ZNF708: variants seen among roughly 807,000 people sequenced by gnomAD.
ZNF708 encodes the protein ZNF15, ZNF15L1.
In ZNF708, 44 loss-of-function variants were observed where a neutral mutation model predicts 47.0. The observed-to-expected ratio is 0.94, with a 90% CI of 0.74 to 1.20. ZNF708 has a LOEUF of 1.20. Among genes scored for constraint, ZNF708 ranks in the 50% most tolerant of loss-of-function variants. The probability of loss-of-function intolerance (pLI) is 0.00; values close to 1 mark genes in which losing one functional copy is unlikely to be tolerated. For synonymous variants in ZNF708, 184 were observed against 218.5 expected (o/e 0.84, Z 1.39); for missense variants, 557 against 656.0 (o/e 0.85, Z 1.65).
intron 1 of ZNF708, among the ~76,000 whole-genome samples, chr19:21,322,394 C>A (rs542284962): frequency 1.3e-5 from 2 of 151,868 alleles, no homozygotes; most frequent in Admixed American, 6.6e-5. Flanking sequence ...CTCTGCCTCC[C>A]GGGTTCAAGT....
In ZNF708 at chr19:21,309,246, C is replaced by A. The variant is rs140295887; in HGVS notation, c.226G>T (p.Ala76Ser). ...KRHEMAAKPP[A>S]MCSHFAKDLR... ...ATCTGTTGTGTTCACTCTCACCTAC[C>A]TGGGGGTTTGGCTGCCATCTCGTGT... Residue 76 changes from alanine (A) to serine (S), a missense_variant and splice_region_variant, in exon 3 of 4, where the codon GCT becomes TCT. Ala to Ser is a moderately conservative substitution (Grantham distance 99). Coordinates refer to ENST00000356929, the MANE Select transcript of ZNF708 (RefSeq NM_021269.3). 22 of 1,600,038 alleles carry A rather than the reference C, an allele frequency of 1.4e-5. No individual in the cohort carries two copies. The highest frequency in any genetic ancestry group is 1.9e-5 in the Non-Finnish European group (22 of 1,171,608).
rs1599671717 is a variant in ZNF708 at position 21,300,316 on chromosome 19, C to T, written c.227-5577G>A. 2.6e-5 allele frequency among the ~76,000 whole-genome samples: 4 copies of T among 151,714 alleles called. No individual in the cohort carries two copies. In the South Asian group the frequency reaches 8.3e-4, roughly 32 times the overall value. On this transcript the variant is annotated intron_variant, in intron 3 of 3. Transcript: ENST00000356929. The stretch of plus-strand genomic sequence containing the variant: ...CATGAGGTCAGGAGTTGGAGACCAG[C>T]CTCAACATGGAGAAACCCCATCTCT...
chr19:21,295,483 C>T (rs1036442275), intron 3 of ZNF708, among the ~76,000 whole-genome samples: 1 of 152,074 alleles, frequency 6.6e-6, no homozygotes, highest in Non-Finnish European at 1.5e-5. Flanking sequence ...CAGTAGCTCA[C>T]AGCTGTAATC....
Position 21,293,166 on chromosome 19 carries a change from A to G in ZNF708, c.*108T>C. On this transcript the variant is annotated 3_prime_UTR_variant, in exon 4 of 4. Transcript: ENST00000356929. The stretch of plus-strand genomic sequence containing the variant: ...TATCTTTTGTTTCATAAGGATTAAG[A>G]GCCAGTTAAAGGCTTTGCCACATTT... 7.9e-7 allele frequency: 1 copy of G among 1,259,408 alleles called. No homozygotes were observed. 78.0% of individuals were successfully genotyped at this position (1,259,408 alleles called of 1,614,324 possible). A position where few individuals can be genotyped will look rare whatever the true frequency, so the allele number is the denominator to read the frequency against.
At chr19:21,322,857 G>A (rs1384568192) in intron 1 of ZNF708, among the ~76,000 whole-genome samples, 1 of 152,150 alleles carries the variant, frequency 6.6e-6, no homozygotes, top group Non-Finnish European at 1.5e-5. Flanking sequence ...TGTCAGCACA[G>A]GCCCTGACTC....
chr19:21,318,900 C>T (rs1424979111), intron 1 of ZNF708, among the ~76,000 whole-genome samples: 1 of 151,930 alleles, frequency 6.6e-6, no homozygotes, highest in African/African-American at 2.4e-5. Context: ...TATAACTATC[C>T]CTATTGGATA....
At position 21,294,624 on chromosome 19, in the gene ZNF708, A is replaced by G. The variant is rs200243707; in HGVS notation, c.342T>C (p.Ser114=). ...CTTTGTGCAACTTATGCTCATCCAC[A>G]CTTTTACAGCCTTTCTGATATCCAC... ...GKCGYQKGCK[S]VDEHKLHKGG... Residue 114 remains serine, a synonymous_variant, in exon 4 of 4, where the codon AGT becomes AGC. Transcript: ENST00000356929. The G allele has an allele frequency of 6.8e-6, 11 of 1,613,954 alleles. No homozygotes were observed. In the African/African-American group the frequency reaches 1.5e-4, roughly 22 times the overall value.
At chr19:21,299,294 A>C (rs1972605888) in intron 3 of ZNF708, among the ~76,000 whole-genome samples, 1 of 152,106 alleles carries the variant, frequency 6.6e-6, no homozygotes, top group African/African-American at 2.4e-5. Context: ...CAGAGGTTGC[A>C]ATGAGGCGAG....
In ZNF708 at chr19:21,294,180, G is replaced by A. The variant is rs879047567; in HGVS notation, c.786C>T (p.Asn262=). 1.2e-6 allele frequency: 2 copies of A among 1,608,886 alleles called. No individual in the cohort carries two copies. Among genetic ancestry groups the A allele is most frequent in the East Asian group, 2.2e-5 (1 of 44,626 alleles). ...YKCEECGKAF[N]RSSNLTKHKI... ...TATGTTTAGTAAGGTTTGAGGACCG[G>A]TTAAAAGCTTTGCCACATTCTTCAC... Residue 262 remains asparagine (N), a synonymous_variant, in exon 4 of 4, where the codon AAC becomes AAT. Transcript: ENST00000356929.
At chr19:21,327,975 G>A in intron 1 of ZNF708, 1 of 1,021,070 alleles carries the variant, frequency 9.8e-7, no homozygotes, top group African/African-American at 1.7e-5. Flanking sequence ...GTTGTCCTCA[G>A]GGAGAAAAAT....
Position 21,322,570 on chromosome 19 carries a change from T to A in ZNF708, c.3+6640A>T, listed in dbSNP as rs555905423. The stretch of plus-strand genomic sequence containing the variant: ...CACCCGCCTCGGCCTCCCAAAGTGC[T>A]AGGATTACAGGCGTGAGCCACGGCA... On this transcript the variant is annotated intron_variant, in intron 1 of 3. Transcript: ENST00000356929. Among the ~76,000 whole-genome samples, 55 of 152,300 alleles carry A rather than the reference T, an allele frequency of 3.6e-4. 1 individual carries two copies. The highest frequency in any genetic ancestry group is 1.2e-3 in the African/African-American group (50 of 41,558).
chr19:21,316,184 A>C (rs541830724), intron 1 of ZNF708, among the ~76,000 whole-genome samples: 3 of 117,514 alleles, frequency 2.6e-5, no homozygotes, highest in Non-Finnish European at 4.9e-5. Flanking sequence ...CCCCTGCTGG[A>C]GTGCAGTGGC....
chr19:21,328,730 C>G (rs1973311907), intron 1 of ZNF708, among the ~76,000 whole-genome samples: 5 of 152,248 alleles, frequency 3.3e-5, no homozygotes, highest in Admixed American at 2.6e-4. Context: ...GAACCACAAA[C>G]TACAAAACAT....
chr19:21,294,041 T>C lies in ZNF708; in HGVS notation c.925A>G (p.Lys309Glu), dbSNP rs1380383479. 1 of 1,613,284 alleles carries C rather than the reference T, an allele frequency of 6.2e-7. No individual in the cohort carries two copies. Among genetic ancestry groups the C allele is most frequent in the Non-Finnish European group, 8.5e-7 (1 of 1,179,458 alleles). Residue 309 changes from lysine (K) to glutamate (E), a missense_variant, in exon 4 of 4, where the codon AAA becomes GAA. Physicochemically the swap from Lys to Glu is moderately conservative, Grantham distance 56. Coordinates refer to ENST00000356929, the MANE Select transcript of ZNF708 (RefSeq NM_021269.3). ...AAGGCTTTGCCACATTCTCCACATT[T>C]GTAGGGTTTCTCTCCAGTATGAATT... The part of the protein sequence containing the change: ...KKIHTGEKPY[K>E]CGECGKAFTL...
chr19:21,323,166 G>T (rs1973186206), intron 1 of ZNF708, among the ~76,000 whole-genome samples: 1 of 152,286 alleles, frequency 6.6e-6, no homozygotes, highest in African/African-American at 2.4e-5. Context: ...CATTGTTTGT[G>T]TTCTCCAGGA....
chr19:21,319,367 C>T (rs1250518811), intron 1 of ZNF708, among the ~76,000 whole-genome samples: 1 of 151,828 alleles, frequency 6.6e-6, no homozygotes, highest in Non-Finnish European at 1.5e-5. Context: ...TAAAAGGAAC[C>T]TAGTATGTTT....
At chr19:21,307,129 AAAAT>A (rs1223842032) in intron 3 of ZNF708, among the ~76,000 whole-genome samples, 6 of 128,640 alleles carry the variant, frequency 4.7e-5, no homozygotes, top group Non-Finnish European at 9.9e-5. Flanking sequence ...TATAAAATAA[AAAAT>A]AAAATAAAAT....
chr19:21,310,915 C>A (rs1317083525), intron 1 of ZNF708, among the ~76,000 whole-genome samples: 6 of 152,028 alleles, frequency 3.9e-5, no homozygotes, highest in African/African-American at 1.4e-4. Context: ...TTTTTTATTG[C>A]TATATATACA....
chr19:21,328,079 G>GA (rs1973298555), intron 1 of ZNF708: 2 of 932,992 alleles, frequency 2.1e-6, no homozygotes, highest in Non-Finnish European at 2.6e-6. Context: ...CCAGGACCAG[G>GA]AAAAAACTGA....
Sources: gnomAD v4.1 joint callset for allele counts (sites outside exome capture counted in the v4.1 genomes callset) on GRCh38, gnomAD v4.1.1 for gene constraint, MANE v1.5 for transcripts, NCBI Gene and HGNC (gene_info 2026-07-23, HGNC 2026-07-21) for gene names.